Variants in PRICKLE1 observed in about 807,000 individuals in gnomAD.
PRICKLE1 encodes the protein prickle planar cell polarity protein 1.
Under a neutral mutation model 70.2 loss-of-function variants are expected in PRICKLE1, and 14 were observed. That is an observed-to-expected ratio of 0.20 (90% CI 0.13 to 0.31). The LOEUF (loss-of-function observed/expected upper bound fraction) is 0.31. Among genes scored for constraint, PRICKLE1 ranks in the 10% least tolerant of loss-of-function variants. The pLI, the probability that PRICKLE1 is intolerant of heterozygous loss-of-function variation, is 1.00. For synonymous variants in PRICKLE1, 357 were observed against 379.9 expected (o/e 0.94, Z 0.70); for missense variants, 821 against 1,026.2 (o/e 0.80, Z 2.73).
At chr12:42,544,693 C>T (rs1453237161) in intron 1 of PRICKLE1, among the ~76,000 whole-genome samples, 2 of 152,118 alleles carry the variant, frequency 1.3e-5, no homozygotes, top group East Asian at 3.9e-4. Context: ...TATTTTTTAT[C>T]TTATCAAAGT....
intron 1 of PRICKLE1, among the ~76,000 whole-genome samples, chr12:42,494,850 A>C: frequency 6.7e-6 from 1 of 148,502 alleles, no homozygotes. Context: ...ATAAAATTCG[A>C]TTATGAGATT....
chr12:42,553,947 T>C (rs1329509868), intron 1 of PRICKLE1, among the ~76,000 whole-genome samples: 1 of 151,874 alleles, frequency 6.6e-6, no homozygotes, highest in Non-Finnish European at 1.5e-5. Flanking sequence ...TACTAAAACA[T>C]GTAAAAATTA....
intron 1 of PRICKLE1, among the ~76,000 whole-genome samples, chr12:42,479,722 A>G (rs1593125715): frequency 6.6e-6 from 1 of 152,142 alleles, no homozygotes; most frequent in East Asian, 1.9e-4. Context: ...TATAGAGGCT[A>G]AGGTGGGTGG....
At chr12:42,474,203 C>T (rs528741071) in intron 1 of PRICKLE1, among the ~76,000 whole-genome samples, 11 of 152,230 alleles carry the variant, frequency 7.2e-5, no homozygotes, top group Middle Eastern at 3.4e-3. Flanking sequence ...AACCGGGAGG[C>T]GGAGGTTGCA....
At chr12:42,498,899 C>G (rs1253143387) in intron 1 of PRICKLE1, among the ~76,000 whole-genome samples, 1 of 152,190 alleles carries the variant, frequency 6.6e-6, no homozygotes, top group East Asian at 1.9e-4. Context: ...GGAAATGTTC[C>G]CTGAAGCCCC....
chr12:42,561,400 T>C (rs1475334353), intron 1 of PRICKLE1, among the ~76,000 whole-genome samples: 1 of 152,344 alleles, frequency 6.6e-6, no homozygotes, highest in East Asian at 1.9e-4. Flanking sequence ...CAAGTTTTTC[T>C]CTTAAATACT....
chr12:42,516,346 A>G (rs542624425), intron 1 of PRICKLE1, among the ~76,000 whole-genome samples: 86 of 152,110 alleles, frequency 5.7e-4, no homozygotes, highest in African/African-American at 2.0e-3. Flanking sequence ...GTTAGCCAGG[A>G]TGGTCTCGAT....
intron 1 of PRICKLE1, among the ~76,000 whole-genome samples, chr12:42,490,393 G>A (rs536415221): frequency 6.6e-6 from 1 of 152,196 alleles, no homozygotes. Flanking sequence ...CTGCCCAAAG[G>A]CAGCCAGGCC....
At chr12:42,478,185 T>C (rs1458534016) in intron 1 of PRICKLE1, among the ~76,000 whole-genome samples, 3 of 152,186 alleles carry the variant, frequency 2.0e-5, no homozygotes, top group African/African-American at 7.2e-5. Context: ...TACATTCTTT[T>C]ACCTAACCAC....
intron 1 of PRICKLE1, among the ~76,000 whole-genome samples, chr12:42,492,530 G>T (rs1939125056): frequency 6.6e-6 from 1 of 152,156 alleles, no homozygotes. Context: ...AGCCAGCAAA[G>T]CTTTCCATAA....
intron 1 of PRICKLE1, chr12:42,483,602 G>C (rs1301740415): frequency 2.6e-5 from 4 of 152,070 alleles, no homozygotes; most frequent in East Asian, 1.9e-4. Context: ...CAAGCACCGG[G>C]TCCCCACTAC....
intron 1 of PRICKLE1, among the ~76,000 whole-genome samples, chr12:42,534,168 A>T (rs1341573356): frequency 2.0e-5 from 3 of 152,214 alleles, no homozygotes; most frequent in Admixed American, 2.0e-4. Context: ...AAGATGAAGA[A>T]AGAAAGAAAG....
intron 1 of PRICKLE1, among the ~76,000 whole-genome samples, chr12:42,536,996 G>A (rs1940026156): frequency 6.6e-6 from 1 of 152,108 alleles, no homozygotes; most frequent in Admixed American, 6.6e-5. Context: ...TCCACCTATA[G>A]AGTTGTTTTG....
At chr12:42,538,858 TAC>T (rs1940059792) in intron 1 of PRICKLE1, among the ~76,000 whole-genome samples, 2 of 152,184 alleles carry the variant, frequency 1.3e-5, no homozygotes, top group South Asian at 2.1e-4. Flanking sequence ...GACACATAAA[TAC>T]AGTTTCTTGT....
chr12:42,560,768 TCACACACACACACACACACACACACACA>T (rs71084672), intron 1 of PRICKLE1, among the ~76,000 whole-genome samples: 2 of 127,762 alleles, frequency 1.6e-5, no homozygotes, highest in Non-Finnish European at 3.1e-5. Flanking sequence ...GCCCATCTTC[TCACACACACACACACACACACACACACA>T]CACACACACA....
At chr12:42,517,395 C>G (rs1235356347) in intron 1 of PRICKLE1, among the ~76,000 whole-genome samples, 2 of 140,926 alleles carry the variant, frequency 1.4e-5, no homozygotes, top group Non-Finnish European at 3.0e-5. Flanking sequence ...TCACTGCAAC[C>G]TCTGCCTCCC....
At chr12:42,483,083 CGAAGCCCCGAGAGAACAGT>C (rs1227116011) in intron 1 of PRICKLE1, 1 of 152,500 alleles carries the variant, frequency 6.6e-6, no homozygotes, top group African/African-American at 2.4e-5. Context: ...GGCGCCGACG[CGAAGCCCCGAGAGAACAGT>C]GCCCCTTGTC....
chr12:42,540,990 G>GTT (rs544038566), intron 1 of PRICKLE1, among the ~76,000 whole-genome samples: 1 of 150,698 alleles, frequency 6.6e-6, no homozygotes, highest in African/African-American at 2.4e-5. Context: ...GAGGTATTTG[G>GTT]TTTTTTTTTC....
At chr12:42,477,257 A>G (rs972007975) in intron 1 of PRICKLE1, among the ~76,000 whole-genome samples, 2 of 151,690 alleles carry the variant, frequency 1.3e-5, no homozygotes, top group African/African-American at 2.4e-5. Context: ...CTGTAATCCC[A>G]GCTACTCGAG....
Sources: gnomAD v4.1 joint callset for allele counts (sites outside exome capture counted in the v4.1 genomes callset) on GRCh38, gnomAD v4.1.1 for gene constraint, MANE v1.5 for transcripts, NCBI Gene and HGNC (gene_info 2026-07-23, HGNC 2026-07-21) for gene names.